Variants in MSH3 observed in about 807,000 individuals in gnomAD.
MSH3 encodes the protein DNA mismatch repair protein Msh3.
In MSH3, 106 loss-of-function variants were observed where a neutral mutation model predicts 123.3. The ratio of observed to expected loss-of-function variants is 0.86; its 90% CI spans 0.73 to 1.01. The LOEUF is 1.01. Ranked by LOEUF, MSH3 falls within the 50% of genes least tolerant of loss-of-function variation. The pLI is 0.00. For missense variants in MSH3, 1,459 were observed against 1,347.6 expected, an observed-to-expected ratio of 1.08 and a Z score of -1.29; for synonymous variants, 515 against 481.4, an observed-to-expected ratio of 1.07 and a Z score of -0.91.
intron 8 of MSH3, among the ~76,000 whole-genome samples, chr5:80,687,462 C>T (rs761277494): frequency 1.9e-4 from 29 of 152,068 alleles, no homozygotes; most frequent in Non-Finnish European, 3.5e-4. Context: ...CTCAATTTTG[C>T]GTTCAAAGAA....
At position 80,738,436 on chromosome 5, in the gene MSH3, C is replaced by T. The variant is rs1434144051; in HGVS notation, c.1569-3028C>T. On this transcript the variant is annotated intron_variant, in intron 10 of 23. Transcript: ENST00000265081. ...GTGCAACATTATAATAGGGACAGTT[C>T]ACTTTTAGTTGGAGTCAGGGAACAA... is the stretch of plus-strand genomic sequence containing the variant. Among the ~76,000 whole-genome samples the T allele has an allele frequency of 2.6e-5, 4 of 152,254 alleles. No homozygotes were observed. The South Asian group carries it at 8.3e-4, about 32-fold the overall frequency.
chr5:80,873,548 G>A (rs1415800463), intron 23 of MSH3, among the ~76,000 whole-genome samples: 4 of 152,112 alleles, frequency 2.6e-5, no homozygotes, highest in Non-Finnish European at 5.9e-5. Flanking sequence ...TCCTTAATAT[G>A]TGCCACATTC....
At chr5:80,819,573 G>A (rs1182436514) in intron 20 of MSH3, among the ~76,000 whole-genome samples, 1 of 150,450 alleles carries the variant, frequency 6.6e-6, no homozygotes, top group Non-Finnish European at 1.5e-5. Flanking sequence ...TGCAACCTCC[G>A]CCTCCTGGAT....
At chr5:80,789,956 T>C (rs564345447) in intron 18 of MSH3, among the ~76,000 whole-genome samples, 1 of 152,354 alleles carries the variant, frequency 6.6e-6, no homozygotes, top group Admixed American at 6.5e-5. Context: ...TTACCTGTTA[T>C]GTTGACAAAC....
At chr5:80,761,744 AG>A (rs1744039875) in intron 13 of MSH3, 66 bp downstream of exon 13, 14 of 1,578,446 alleles carry the variant, frequency 8.9e-6, no homozygotes, top group Non-Finnish European at 3.5e-6. Flanking sequence ...ATATATTAAA[AG>A]AAAACTTTTG....
At chr5:80,760,521 A>G (rs1401095638) in intron 12 of MSH3, among the ~76,000 whole-genome samples, 2 of 152,158 alleles carry the variant, frequency 1.3e-5, no homozygotes, top group Non-Finnish European at 2.9e-5. Context: ...GTCAGGGTCA[A>G]TATGTTTAAT....
chr5:80,841,421 GTAA>G (rs757016830), intron 20 of MSH3, among the ~76,000 whole-genome samples: 12 of 152,220 alleles, frequency 7.9e-5, no homozygotes, highest in Non-Finnish European at 1.5e-4. Flanking sequence ...TATATACCCA[GTAA>G]TGGGATGGCT....
intron 2 of MSH3, among the ~76,000 whole-genome samples, chr5:80,658,215 C>A (rs1227201362): frequency 6.6e-6 from 1 of 151,302 alleles, no homozygotes; most frequent in Non-Finnish European, 1.5e-5. Context: ...CGTGCCACCA[C>A]ACCTGGCTAA....
At position 80,704,818 on chromosome 5, in the gene MSH3, G is replaced by A. The variant is rs188147745; in HGVS notation, c.1341-20635G>A. Among the ~76,000 whole-genome samples the A allele has an allele frequency of 5.3e-5, 8 of 152,256 alleles. No homozygotes were observed. The East Asian group carries it at 1.4e-3, about 26-fold the overall frequency. On this transcript the variant is annotated intron_variant, in intron 8 of 23. Coordinates refer to ENST00000265081, the MANE Select transcript of MSH3 (RefSeq NM_002439.5). ...TGTAAGGTAACATACCTGAGGCCAGGAGCATGATACCTTTCCTCTAGTCTT... is the reference window on the plus strand; with the variant it reads ...TGTAAGGTAACATACCTGAGGCCAGAAGCATGATACCTTTCCTCTAGTCTT...
rs531719425 is a variant in MSH3, at chr5:80,723,497, A to T, written c.1341-1956A>T. On this transcript the variant is annotated intron_variant, in intron 8 of 23. Transcript: ENST00000265081. ...CTATCCACAAAGATAAATTCTGGTG[A>T]ATAAATTCAGAAAGCAGATCTTAAA... 5.3e-5 allele frequency among the ~76,000 whole-genome samples: 8 copies of T among 152,360 alleles called. No homozygotes were observed. The South Asian group carries it at 1.7e-3, about 32-fold the overall frequency.
chr5:80,754,536 C>T (rs1223564886), intron 12 of MSH3, among the ~76,000 whole-genome samples: 1 of 152,136 alleles, frequency 6.6e-6, no homozygotes, highest in African/African-American at 2.4e-5. Context: ...AAATCAAATA[C>T]TTACCTGTTA....
intron 8 of MSH3, among the ~76,000 whole-genome samples, chr5:80,696,717 C>G (rs1750490454): frequency 6.6e-6 from 1 of 152,034 alleles, no homozygotes; most frequent in Non-Finnish European, 1.5e-5. Context: ...TCCTTCTTCC[C>G]AGAAGCAGAA....
intron 15 of MSH3, among the ~76,000 whole-genome samples, chr5:80,769,665 T>C (rs1028158608): frequency 1.2e-4 from 18 of 152,078 alleles, no homozygotes; most frequent in African/African-American, 4.3e-4. Context: ...TAATAAAATA[T>C]GAAGATTCAA....
intron 8 of MSH3, among the ~76,000 whole-genome samples, chr5:80,697,151 A>G (rs570709386): frequency 3.9e-5 from 6 of 152,278 alleles, no homozygotes; most frequent in African/African-American, 1.4e-4. Context: ...TTTCTTGTTT[A>G]TCACCCACAG....
chr5:80,728,226 G>C (rs919557117), intron 9 of MSH3, among the ~76,000 whole-genome samples: 5 of 152,198 alleles, frequency 3.3e-5, no homozygotes, highest in Non-Finnish European at 7.4e-5. Flanking sequence ...TGGCTGCTCT[G>C]TTAAGAATAC....
intron 17 of MSH3, among the ~76,000 whole-genome samples, chr5:80,783,432 C>T (rs186683424): frequency 1.3e-3 from 205 of 152,110 alleles, no homozygotes; most frequent in African/African-American, 4.7e-3. Flanking sequence ...GTCAAACAAG[C>T]CTTCTTTAAG....
Position 80,675,098 on chromosome 5 carries a change from A to G in MSH3, c.1143A>G (p.Lys381=), listed in dbSNP as rs1370138731. Residue 381 remains lysine (K), a synonymous_variant, in exon 7 of 24, where the codon AAA becomes AAG. Transcript: ENST00000265081. ...ISENKENVRD[K]KKGNIFIGIV... ...AAAATAAGGAAAATGTTAGGGACAAAAAAAAGGGCAACATTTTTATTGGCA... is the reference window on the plus strand; with the variant it reads ...AAAATAAGGAAAATGTTAGGGACAAGAAAAAGGGCAACATTTTTATTGGCA... The G allele has an allele frequency of 6.2e-7, 1 of 1,613,854 alleles. No homozygotes were observed. The highest frequency in any genetic ancestry group is 8.5e-7 in the Non-Finnish European group (1 of 1,179,896).
chr5:80,852,847 G>T (rs1745851710), intron 20 of MSH3, among the ~76,000 whole-genome samples: 2 of 152,164 alleles, frequency 1.3e-5, no homozygotes, highest in African/African-American at 4.8e-5. Context: ...ACATTATGGT[G>T]CTGTAGGTCA....
At position 80,764,089 on chromosome 5, in the gene MSH3, G is replaced by A. The variant is rs1261208463; in HGVS notation, c.1896+2411G>A. Among the ~76,000 whole-genome samples the A allele has an allele frequency of 2.0e-5, 3 of 152,210 alleles. 1 individual carries two copies. The highest frequency in any genetic ancestry group is 7.2e-5 in the African/African-American group (3 of 41,444). Reference sequence around the variant, plus strand: ...CAATGTTTTATAGATTAGTTGGCTGGCTCTGTGTACACACCATCAAACATA... The same window carrying A: ...CAATGTTTTATAGATTAGTTGGCTGACTCTGTGTACACACCATCAAACATA... On this transcript the variant is annotated intron_variant, in intron 13 of 23. Coordinates refer to ENST00000265081, the MANE Select transcript of MSH3 (RefSeq NM_002439.5).
Sources: allele counts gnomAD v4.1 joint callset (sites outside exome capture counted in the v4.1 genomes callset), GRCh38; gene constraint gnomAD v4.1.1; transcripts MANE v1.5; gene names NCBI Gene and HGNC (gene_info 2026-07-23, HGNC 2026-07-21).